Variants in SHROOM3 observed in about 807,000 individuals in gnomAD.
The protein encoded by SHROOM3 is shroom family member 3.
In SHROOM3, 47 loss-of-function variants were observed where a neutral mutation model predicts 138.6. That is an observed-to-expected ratio of 0.34 (90% CI 0.27 to 0.43). The LOEUF (loss-of-function observed/expected upper bound fraction) is 0.43, where lower values mean the gene tolerates loss of function less well. SHROOM3 is among the 20% of genes least tolerant of loss of function. The pLI, the probability that SHROOM3 is intolerant of heterozygous loss-of-function variation, is 1.00. For synonymous variants in SHROOM3, 1,062 were observed against 1,063.3 expected (o/e 1.00, Z 0.02); for missense variants, 2,491 against 2,596.5 (o/e 0.96, Z 0.88).
chr4:76,758,766 TTAAA>T (rs1215656709), intron 8 of SHROOM3, among the ~76,000 whole-genome samples: 1 of 152,200 alleles, frequency 6.6e-6, no homozygotes, highest in African/African-American at 2.4e-5. Context: ...GGGCTAGATG[TTAAA>T]TAATATCACA....
intron 1 of SHROOM3, among the ~76,000 whole-genome samples, chr4:76,457,877 G>A (rs546760329): frequency 6.7e-6 from 1 of 149,850 alleles, no homozygotes; most frequent in Non-Finnish European, 1.5e-5. Context: ...CTCACTGCAA[G>A]CTCCGCCTCC....
At chr4:76,658,741 C>T (rs764293229) in intron 2 of SHROOM3, among the ~76,000 whole-genome samples, 50 of 152,054 alleles carry the variant, frequency 3.3e-4, no homozygotes, top group Non-Finnish European at 5.0e-4. Context: ...TAGTAACTAA[C>T]ATAGGTACCT....
At chr4:76,766,232 AAG>A (rs1722152183) in intron 9 of SHROOM3, among the ~76,000 whole-genome samples, 1 of 152,236 alleles carries the variant, frequency 6.6e-6, no homozygotes, top group Non-Finnish European at 1.5e-5. Context: ...GGCACAGAGA[AAG>A]AGCTGAATAA....
intron 3 of SHROOM3, among the ~76,000 whole-genome samples, chr4:76,728,465 T>C (rs918595879): frequency 2.0e-5 from 3 of 152,194 alleles, no homozygotes; most frequent in Non-Finnish European, 4.4e-5. Flanking sequence ...TCTGCCATGA[T>C]TGTGAGGCCT....
chr4:76,509,792 C>T (rs1732293207), intron 1 of SHROOM3: 2 of 152,054 alleles, frequency 1.3e-5, no homozygotes, highest in South Asian at 4.1e-4. Flanking sequence ...TGGACATTTA[C>T]CCAATTTTTA....
At chr4:76,620,097 GA>G (rs1173536362) in intron 2 of SHROOM3, among the ~76,000 whole-genome samples, 1 of 133,352 alleles carries the variant, frequency 7.5e-6, no homozygotes, top group Non-Finnish European at 1.6e-5. Context: ...AAAAAAAGAA[GA>G]AAAGAAAAAG....
chr4:76,776,077 G>C (rs1047151251), intron 10 of SHROOM3, among the ~76,000 whole-genome samples: 6 of 152,102 alleles, frequency 3.9e-5, no homozygotes, highest in African/African-American at 1.4e-4. Flanking sequence ...GGTTGTGCTA[G>C]TTTACATCCC....
intron 1 of SHROOM3, among the ~76,000 whole-genome samples, chr4:76,458,395 C>G (rs927291225): frequency 1.3e-5 from 2 of 152,112 alleles, no homozygotes; most frequent in Non-Finnish European, 2.9e-5. Context: ...TCTGAAGTCT[C>G]TACAATGAAC....
Position 76,779,098 on chromosome 4 carries a change from C to A in SHROOM3, c.5912C>A (p.Pro1971Gln), listed in dbSNP as rs1384476810. Residue 1971 changes from proline (P) to glutamine (Q), a missense_variant, in exon 11 of 11, where the codon CCA (proline) becomes CAA (glutamine). Coordinates refer to ENST00000296043, the MANE Select transcript of SHROOM3 (RefSeq NM_020859.4). ...IPKAGALALP[P>Q]NLTSEPIPAG... Reference sequence around the variant, plus strand: ...AAGGCTGGGGCCCTGGCTCTGCCCCCAAACCTCACGAGTGAGCCCATTCCT... The same window carrying A: ...AAGGCTGGGGCCCTGGCTCTGCCCCAAAACCTCACGAGTGAGCCCATTCCT... The A allele has an allele frequency of 4.3e-6, 7 of 1,614,100 alleles. No individual in the cohort carries two copies. The African/African-American group carries it at 8.0e-5, about 18-fold the overall frequency.
chr4:76,734,353 G>C (rs537030320), intron 4 of SHROOM3, among the ~76,000 whole-genome samples: 20 of 152,202 alleles, frequency 1.3e-4, no homozygotes, highest in African/African-American at 4.8e-4. Context: ...GTTTATAAAA[G>C]ACTCAGAAAT....
rs758812304 is a variant in SHROOM3 at position 76,735,868 on chromosome 4, AATATAT to A, written c.588-2862_588-2857del. ...AAAAAAAAAAAAAAAAAAAAAAAAA[AATATAT>A]ATATATATATATATATATATATATA... On this transcript the variant is annotated intron_variant, in intron 4 of 10. Transcript: ENST00000296043. 8.9e-3 allele frequency among the ~76,000 whole-genome samples: 167 copies of A among 18,788 alleles called. 1 individual carries two copies. The highest frequency in any genetic ancestry group is 0.029 in the African/African-American group (137 of 4,672). The allele number at this position is 18,788 out of a possible 152,430, so 12.3% of individuals were successfully genotyped here.
intron 2 of SHROOM3, among the ~76,000 whole-genome samples, chr4:76,611,023 GTTCT>G (rs1734749684): frequency 6.6e-6 from 1 of 152,086 alleles, no homozygotes; most frequent in Non-Finnish European, 1.5e-5. Flanking sequence ...TGCTTGAAGA[GTTCT>G]AAGGTGATTT....
chr4:76,782,630 G>A lies in SHROOM3; in HGVS notation c.*3453G>A, dbSNP rs1282368799. 2 of 152,124 alleles carry A rather than the reference G, an allele frequency of 1.3e-5. No individual in the cohort carries two copies. The highest frequency in any genetic ancestry group is 4.8e-5 in the African/African-American group (2 of 41,436). The allele number at this position is 152,124 out of a possible 1,614,324, so 9.4% of individuals were successfully genotyped here. A position where few individuals can be genotyped will look rare whatever the true frequency, so the allele number is the denominator to read the frequency against. On this transcript the variant is annotated 3_prime_UTR_variant, in exon 11 of 11. Transcript: ENST00000296043. ...CTTCTCTTCAGTTTAATTGTCCATGGTAGTGCTGGCTTCATTGTTAGGTTG... is the reference window on the plus strand; with the variant it reads ...CTTCTCTTCAGTTTAATTGTCCATGATAGTGCTGGCTTCATTGTTAGGTTG...
intron 1 of SHROOM3, among the ~76,000 whole-genome samples, chr4:76,508,437 T>C (rs1289417454): frequency 6.6e-6 from 1 of 152,246 alleles, no homozygotes; most frequent in Non-Finnish European, 1.5e-5. Context: ...GCCAGTACCA[T>C]GCTGTCTTGA....
intron 1 of SHROOM3, among the ~76,000 whole-genome samples, chr4:76,499,568 G>A (rs142297547): frequency 6.6e-6 from 1 of 152,308 alleles, no homozygotes; most frequent in Non-Finnish European, 1.5e-5. Flanking sequence ...ATACACTAGA[G>A]TTAGTTCAAA....
intron 1 of SHROOM3, among the ~76,000 whole-genome samples, chr4:76,464,627 T>G (rs1731212584): frequency 6.6e-6 from 1 of 152,162 alleles, no homozygotes. Context: ...AAATCTCATG[T>G]CCTATTGTAA....
chr4:76,532,675 A>C (rs1212611276), intron 1 of SHROOM3, among the ~76,000 whole-genome samples: 1 of 152,144 alleles, frequency 6.6e-6, no homozygotes, highest in Non-Finnish European at 1.5e-5. Flanking sequence ...AACTAGCATA[A>C]ATTTGTTTTT....
intron 1 of SHROOM3, among the ~76,000 whole-genome samples, chr4:76,524,634 C>G (rs901655410): frequency 2.0e-5 from 3 of 152,206 alleles, no homozygotes; most frequent in Admixed American, 2.0e-4. Context: ...ACCATCAACC[C>G]TTACAAGGGC....
chr4:76,746,075 C>T (rs910995633), intron 5 of SHROOM3, among the ~76,000 whole-genome samples: 1 of 152,068 alleles, frequency 6.6e-6, no homozygotes, highest in Non-Finnish European at 1.5e-5. Context: ...ACCAAGTCAC[C>T]AAGAGGGTAC....
Sources: gnomAD v4.1 joint callset for allele counts (sites outside exome capture counted in the v4.1 genomes callset) on GRCh38, gnomAD v4.1.1 for gene constraint, MANE v1.5 for transcripts, NCBI Gene and HGNC (gene_info 2026-07-23, HGNC 2026-07-21) for gene names.